The following DAZL variants were observed in gnomAD, a reference collection of about 807,000 sequenced individuals.
DAZL encodes deleted in azoospermia-like.
A neutral mutation model predicts 45.0 loss-of-function variants in DAZL; 4 were observed. The observed-to-expected ratio is 0.09, with a 90% CI of 0.04 to 0.20. The LOEUF (loss-of-function observed/expected upper bound fraction) is 0.20. DAZL is among the 10% of genes least tolerant of loss of function. DAZL has a pLI of 1.00. For missense variants in DAZL, 326 were observed against 351.3 expected (o/e 0.93, Z 0.58); for synonymous variants, 122 against 112.4 (o/e 1.09, Z -0.54).
chr3:16,595,279 C>A (rs766102896), intron 7 of DAZL, 35 bp downstream of exon 7: 2 of 1,247,992 alleles, frequency 1.6e-6, no homozygotes, highest in Non-Finnish European at 1.1e-6. Context: ...TCAATAAAAT[C>A]TGAAAGTAAA....
chr3:16,589,446 CAA>C (rs1454725450), intron 10 of DAZL, among the ~76,000 whole-genome samples: 16 of 152,072 alleles, frequency 1.1e-4, no homozygotes, highest in Admixed American at 1.0e-3. Context: ...CCTAATCTGT[CAA>C]AAGAGTGATA....
rs946025596 is a variant in DAZL at position 16,603,775 on chromosome 3, T to A, written c.3+1428A>T. Among the ~76,000 whole-genome samples the A allele has an allele frequency of 3.9e-5, 6 of 152,240 alleles. No homozygotes were observed. The East Asian group carries it at 9.6e-4, about 24-fold the overall frequency. ...AACAATGCCCACATCAATTGAAAGATGCAAGTTGTAAAATAGTATTATGCA... is the reference window on the plus strand; with the variant it reads ...AACAATGCCCACATCAATTGAAAGAAGCAAGTTGTAAAATAGTATTATGCA... On this transcript the variant is annotated intron_variant, in intron 1 of 10. Transcript: ENST00000399444.
rs1694569527 is a variant in DAZL, at chr3:16,594,603, A to G, written c.571-20T>C. 1 of 1,540,146 alleles carries G rather than the reference A, an allele frequency of 6.5e-7. No individual in the cohort carries two copies. The highest frequency in any genetic ancestry group is 8.8e-7 in the Non-Finnish European group (1 of 1,141,018). ...TGGCATCTTAAAAAAAAAAAAAAGG[A>G]AACCAAAATTATTCAAATATTCCTA... On this transcript the variant is annotated intron_variant, in intron 7 of 10. Coordinates refer to ENST00000399444, the MANE Select transcript of DAZL (RefSeq NM_001351.4).
chr3:16,598,269 T>C, intron 2 of DAZL, 91 bp from the exon 3 acceptor site: 1 of 1,423,694 alleles, frequency 7.0e-7, no homozygotes, highest in South Asian at 1.2e-5. Flanking sequence ...TGACAATTTC[T>C]CCCCCATTTA....
intron 1 of DAZL, among the ~76,000 whole-genome samples, chr3:16,600,863 T>C (rs1026432140): frequency 2.6e-5 from 4 of 152,220 alleles, no homozygotes; most frequent in Non-Finnish European, 4.4e-5. Flanking sequence ...TGATAATGCA[T>C]TGATTCTCAA....
At chr3:16,591,495 T>G (rs1694517923) in intron 10 of DAZL, among the ~76,000 whole-genome samples, 1 of 150,782 alleles carries the variant, frequency 6.6e-6, no homozygotes, top group Non-Finnish European at 1.5e-5. Context: ...AGTGGCACAA[T>G]CATGGCTCAA....
At chr3:16,592,682 T>C (rs1333608857) in intron 9 of DAZL, among the ~76,000 whole-genome samples, 1 of 152,202 alleles carries the variant, frequency 6.6e-6, no homozygotes, top group Admixed American at 6.5e-5. Context: ...GATAGAATAC[T>C]GGTTTAAAAA....
At chr3:16,604,855 G>A in intron 1 of DAZL, 1 of 751,172 alleles carries the variant, frequency 1.3e-6, no homozygotes, top group Non-Finnish European at 2.1e-6. Flanking sequence ...GGGGCAGTCG[G>A]GGGTGGGGAA....
intron 9 of DAZL, 70 bp from the exon 10 acceptor site, chr3:16,592,218 GAT>G (rs1694531632): frequency 6.4e-7 from 1 of 1,561,034 alleles, no homozygotes; most frequent in Non-Finnish European, 8.8e-7. Context: ...GTTTTTTTTT[GAT>G]AGTTTAATGA....
chr3:16,599,058 C>T (rs1694644364), intron 1 of DAZL, among the ~76,000 whole-genome samples: 1 of 152,174 alleles, frequency 6.6e-6, no homozygotes, highest in Non-Finnish European at 1.5e-5. Flanking sequence ...GCTGGGATTA[C>T]AGGCGTGAGC....
rs553488999 is a variant in DAZL at position 16,590,438 on chromosome 3, A to G, written c.834+1612T>C. 2.7e-4 allele frequency among the ~76,000 whole-genome samples: 41 copies of G among 152,308 alleles called. 3 individuals are homozygous for G. The South Asian group carries it at 5.6e-3, about 21-fold the overall frequency. On this transcript the variant is annotated intron_variant, in intron 10 of 10. Coordinates refer to ENST00000399444, the MANE Select transcript of DAZL (RefSeq NM_001351.4). ...TTTTAAGACACAAAGTGATGGTTAA[A>G]CATTTCCTTTTGAATGTAAAGTGTG...
At position 16,587,170 on chromosome 3, in the gene DAZL, A is replaced by C. The variant is rs1694449911; in HGVS notation, c.*1490T>G. Reference sequence around the variant, plus strand: ...GTAATAAAGCCCTCTTGGGAATTCTAAAGTTAAAAGACTCTCTCCTTCAGA... The same window carrying C: ...GTAATAAAGCCCTCTTGGGAATTCTCAAGTTAAAAGACTCTCTCCTTCAGA... On this transcript the variant is annotated 3_prime_UTR_variant, in exon 11 of 11. Transcript: ENST00000399444. The C allele has an allele frequency of 1.3e-5, 2 of 152,176 alleles. No individual in the cohort carries two copies. Among genetic ancestry groups the C allele is most frequent in the Non-Finnish European group, 1.5e-5 (1 of 68,020 alleles). 9.4% of individuals were successfully genotyped at this position (152,176 alleles called of 1,614,324 possible).
chr3:16,600,146 G>A (rs1471698919), intron 1 of DAZL, among the ~76,000 whole-genome samples: 1 of 151,892 alleles, frequency 6.6e-6, no homozygotes, highest in Admixed American at 6.6e-5. Flanking sequence ...GACTACAAAA[G>A]GTAACTACAA....
At chr3:16,597,982 A>T in intron 3 of DAZL, 105 bp downstream of exon 3, 1 of 1,208,856 alleles carries the variant, frequency 8.3e-7, no homozygotes, top group Non-Finnish European at 1.2e-6. Context: ...GAAAGAAATT[A>T]ACACAGCAAC....
rs370939388 is a variant in DAZL, at chr3:16,605,419, G to A, written c.-214C>T. Reference sequence around the variant, plus strand: ...GACCGTCAGGCTGAGGAGCGCAGGCGGACTGAGGCGTGGTCCGCGGGGCTC... The same window carrying A: ...GACCGTCAGGCTGAGGAGCGCAGGCAGACTGAGGCGTGGTCCGCGGGGCTC... On this transcript the variant is annotated 5_prime_UTR_variant, in exon 1 of 11. Coordinates refer to ENST00000399444, the MANE Select transcript of DAZL (RefSeq NM_001351.4). The A allele has an allele frequency of 1.1e-5, 7 of 643,296 alleles. No individual in the cohort carries two copies. The highest frequency in any genetic ancestry group is 2.7e-5 in the East Asian group (1 of 36,566). 39.8% of individuals were successfully genotyped at this position (643,296 alleles called of 1,614,324 possible).
At chr3:16,592,232 T>C (rs1694532037) in intron 9 of DAZL, 84 bp from the exon 10 acceptor site, 1 of 1,541,522 alleles carries the variant, frequency 6.5e-7, no homozygotes, top group Admixed American at 1.7e-5. Context: ...GTTTAATGAA[T>C]ATATTACTTT....
chr3:16,593,593 A>T (rs1320198933), intron 9 of DAZL, 62 bp downstream of exon 9: 2 of 1,082,858 alleles, frequency 1.8e-6, no homozygotes, highest in African/African-American at 3.2e-5. Flanking sequence ...CTTCTCAAAA[A>T]ACCATTATTA....
rs189441124 is a variant in DAZL, at chr3:16,600,589, T to C, written c.4-1991A>G. 2.5e-3 allele frequency among the ~76,000 whole-genome samples: 385 copies of C among 152,250 alleles called. 2 individuals are homozygous for C. Among genetic ancestry groups the C allele is most frequent in the African/African-American group, 8.4e-3 (351 of 41,550 alleles). On this transcript the variant is annotated intron_variant, in intron 1 of 10. Coordinates refer to ENST00000399444, the MANE Select transcript of DAZL (RefSeq NM_001351.4). ...GAACTATTAGGAACCTGATTAGATTTCCCCCCTACAGACAATTTACCAATC... is the reference window on the plus strand; with the variant it reads ...GAACTATTAGGAACCTGATTAGATTCCCCCCCTACAGACAATTTACCAATC...
chr3:16,591,272 CCA>C (rs1306461552), intron 10 of DAZL, among the ~76,000 whole-genome samples: 2 of 151,990 alleles, frequency 1.3e-5, no homozygotes, highest in Non-Finnish European at 2.9e-5. Flanking sequence ...ATTCAACTAC[CCA>C]CATTCTCTTC....
Sources: gnomAD v4.1 joint callset for allele counts (sites outside exome capture counted in the v4.1 genomes callset) on GRCh38, gnomAD v4.1.1 for gene constraint, MANE v1.5 for transcripts, NCBI Gene and HGNC (gene_info 2026-07-23, HGNC 2026-07-21) for gene names.